Variants in ZFHX3 observed in about 807,000 individuals in gnomAD.
ZFHX3 encodes zinc finger homeobox protein 3.
Under a neutral mutation model 279.1 loss-of-function variants are expected in ZFHX3, and 42 were observed. The ratio of observed to expected loss-of-function variants is 0.15; its 90% CI spans 0.12 to 0.19. The LOEUF (loss-of-function observed/expected upper bound fraction) is 0.19. Among genes scored for constraint, ZFHX3 ranks in the 10% least tolerant of loss-of-function variants. The pLI, the probability that ZFHX3 is intolerant of heterozygous loss-of-function variation, is 1.00. For missense variants in ZFHX3, 4,981 were observed against 4,754.0 expected, an observed-to-expected ratio of 1.05 and a Z score of -1.40; for synonymous variants, 2,293 against 1,957.8, an observed-to-expected ratio of 1.17 and a Z score of -4.52.
At chr16:73,561,449 ATACT>A (rs2020368039) in intron 2 of ZFHX3, among the ~76,000 whole-genome samples, 1 of 152,258 alleles carries the variant, frequency 6.6e-6, no homozygotes, top group Admixed American at 6.5e-5. Flanking sequence ...CAAGAGTTAA[ATACT>A]TACATATCAA....
rs2035404300 is a variant in ZFHX3 at position 72,786,940 on chromosome 16, T to A, written c.*224A>T. 1 of 322,116 alleles carries A rather than the reference T, an allele frequency of 3.1e-6. No homozygotes were observed. 20.0% of individuals were successfully genotyped at this position (322,116 alleles called of 1,614,324 possible). ...CAATGTAACAGGGTTAGGGCTTTTT[T>A]TTTTTTTTTAATATTAAAAGAAAAG... On this transcript the variant is annotated 3_prime_UTR_variant, in exon 10 of 10. Coordinates refer to ENST00000268489, the MANE Select transcript of ZFHX3 (RefSeq NM_006885.4).
At chr16:73,280,028 T>G (rs1229907379) in intron 4 of ZFHX3, among the ~76,000 whole-genome samples, 1 of 152,064 alleles carries the variant, frequency 6.6e-6, no homozygotes, top group Non-Finnish European at 1.5e-5. Flanking sequence ...AAAATGACAG[T>G]CTCTTCAATA....
chr16:72,903,026 C>A (rs1157929967), intron 3 of ZFHX3, among the ~76,000 whole-genome samples: 1 of 152,114 alleles, frequency 6.6e-6, no homozygotes, highest in Non-Finnish European at 1.5e-5. Flanking sequence ...CTGCACCCAG[C>A]CCGGTACTGC....
intron 1 of ZFHX3, among the ~76,000 whole-genome samples, chr16:73,848,845 C>T (rs1375946422): frequency 1.3e-5 from 2 of 152,200 alleles, no homozygotes; most frequent in Admixed American, 1.3e-4. Flanking sequence ...TGTCTCTTCT[C>T]AAGTTTTTAC....
chr16:73,193,092 A>C lies in ZFHX3; in HGVS notation c.-1103-49261T>G, dbSNP rs571156755. On this transcript the variant is annotated intron_variant, in intron 5 of 17. Coordinates refer to the ZFHX3 transcript ENST00000641206. ...TCACAAACAAAAATGTGCCCTCTGCAGGAAAGGTGGATGCACGTGGAATTC... is the reference window on the plus strand; with the variant it reads ...TCACAAACAAAAATGTGCCCTCTGCCGGAAAGGTGGATGCACGTGGAATTC... Among the ~76,000 whole-genome samples, 4 of 152,338 alleles carry C rather than the reference A, an allele frequency of 2.6e-5. No homozygotes were observed. The East Asian group carries it at 7.7e-4, about 29-fold the overall frequency.
intron 2 of ZFHX3, among the ~76,000 whole-genome samples, chr16:73,613,035 G>GA (rs1227080756): frequency 1.3e-5 from 2 of 152,152 alleles, no homozygotes; most frequent in Non-Finnish European, 2.9e-5. Context: ...AGACTAATAA[G>GA]ATATCAAGCT....
chr16:72,984,796 G>A (rs1242866275), intron 1 of ZFHX3, among the ~76,000 whole-genome samples: 13 of 151,952 alleles, frequency 8.6e-5, no homozygotes, highest in Admixed American at 2.0e-4. Flanking sequence ...CCTCACTATC[G>A]TGTGCAAGCT....
chr16:73,575,882 C>T (rs2051794186), intron 2 of ZFHX3, among the ~76,000 whole-genome samples: 1 of 152,074 alleles, frequency 6.6e-6, no homozygotes, highest in Admixed American at 6.6e-5. Flanking sequence ...CAGTTCACAC[C>T]GCGATGATTG....
chr16:73,161,830 T>C (rs1967242686), intron 5 of ZFHX3, among the ~76,000 whole-genome samples: 1 of 152,168 alleles, frequency 6.6e-6, no homozygotes, highest in Non-Finnish European at 1.5e-5. Context: ...CTTACTTCTT[T>C]ATGCAAAACC....
At chr16:73,254,254 A>G (rs983828886) in intron 5 of ZFHX3, among the ~76,000 whole-genome samples, 4 of 151,996 alleles carry the variant, frequency 2.6e-5, no homozygotes, top group Admixed American at 6.5e-5. Flanking sequence ...CATCCTTCCC[A>G]CTATCCTTTC....
At chr16:72,854,795 C>T (rs2037709398) in intron 4 of ZFHX3, among the ~76,000 whole-genome samples, 1 of 151,988 alleles carries the variant, frequency 6.6e-6, no homozygotes. Context: ...GGGAGTTCAG[C>T]CTGTTTTTAA....
At chr16:73,100,508 A>G (rs145106107) in intron 7 of ZFHX3, among the ~76,000 whole-genome samples, 4 of 152,146 alleles carry the variant, frequency 2.6e-5, no homozygotes, top group Admixed American at 1.3e-4. Context: ...CCCCTTCACC[A>G]TACTTAAATG....
At chr16:73,483,637 A>G (rs914261067) in intron 2 of ZFHX3, among the ~76,000 whole-genome samples, 4 of 151,958 alleles carry the variant, frequency 2.6e-5, no homozygotes, top group African/African-American at 9.7e-5. Flanking sequence ...GGAGCTAATG[A>G]CCCATAATTG....
chr16:73,102,652 G>A (rs941742042), intron 7 of ZFHX3, among the ~76,000 whole-genome samples: 8 of 151,272 alleles, frequency 5.3e-5, no homozygotes, highest in Non-Finnish European at 1.2e-4. Context: ...TGCTAATATG[G>A]AAATTTGAAA....
At chr16:73,192,838 T>C (rs185880991) in intron 5 of ZFHX3, among the ~76,000 whole-genome samples, 21 of 152,310 alleles carry the variant, frequency 1.4e-4, no homozygotes, top group Non-Finnish European at 2.8e-4. Context: ...CTCTCCTTTT[T>C]CTTGTCTCCT....
At chr16:73,838,265 A>G (rs115815789) in intron 1 of ZFHX3, among the ~76,000 whole-genome samples, 1 of 152,226 alleles carries the variant, frequency 6.6e-6, no homozygotes, top group South Asian at 2.1e-4. Context: ...TGTAGCCAAC[A>G]TATACCTTAA....
At chr16:73,485,141 G>T (rs1029150466) in intron 2 of ZFHX3, among the ~76,000 whole-genome samples, 2 of 152,178 alleles carry the variant, frequency 1.3e-5, no homozygotes, top group African/African-American at 4.8e-5. Flanking sequence ...TCAGGTCATA[G>T]CAAAGTCAAA....
chr16:73,496,393 T>C (rs1479879841), intron 2 of ZFHX3, among the ~76,000 whole-genome samples: 1 of 152,116 alleles, frequency 6.6e-6, no homozygotes, highest in African/African-American at 2.4e-5. Context: ...TAGCAAGGCA[T>C]GGTGGTGCGT....
chr16:72,944,715 C>G (rs1960579820), intron 3 of ZFHX3, among the ~76,000 whole-genome samples: 1 of 152,074 alleles, frequency 6.6e-6, no homozygotes, highest in South Asian at 2.1e-4. Flanking sequence ...AATAGGGAAT[C>G]CACATTTTAT....
Sources: gnomAD v4.1 joint callset for allele counts (sites outside exome capture counted in the v4.1 genomes callset) on GRCh38, gnomAD v4.1.1 for gene constraint, MANE v1.5 for transcripts, NCBI Gene and HGNC (gene_info 2026-07-23, HGNC 2026-07-21) for gene names.